The following ESR1 variants were observed in gnomAD, a reference collection of about 807,000 sequenced individuals.
ESR1 encodes the protein estrogen receptor 1.
A neutral mutation model predicts 52.7 loss-of-function variants in ESR1; 12 were observed. The observed-to-expected ratio is 0.23, with a 90% CI of 0.15 to 0.37. ESR1 has a LOEUF of 0.37. ESR1 is among the 10% of genes least tolerant of loss of function. The pLI is 1.00. For synonymous variants in ESR1, 305 were observed against 316.8 expected (o/e 0.96, Z 0.39); for missense variants, 584 against 779.7 (o/e 0.75, Z 2.99).
At chr6:151,905,298 A>G (rs946719666) in intron 3 of ESR1, among the ~76,000 whole-genome samples, 3 of 152,236 alleles carry the variant, frequency 2.0e-5, no homozygotes, top group Admixed American at 6.5e-5. Flanking sequence ...TGACAAAAGG[A>G]AAGTGGTAGA....
At chr6:151,854,967 G>T (rs1396124342) in intron 2 of ESR1, among the ~76,000 whole-genome samples, 3 of 152,202 alleles carry the variant, frequency 2.0e-5, no homozygotes, top group Non-Finnish European at 2.9e-5. Context: ...AGGTTGGAGT[G>T]CAGTGGTGCG....
intron 1 of ESR1, among the ~76,000 whole-genome samples, chr6:151,822,485 T>TG (rs1233444785): frequency 6.6e-6 from 1 of 152,216 alleles, no homozygotes; most frequent in Admixed American, 6.5e-5. Context: ...GGTGATTCCT[T>TG]GGAGACAGAT....
At chr6:151,870,044 A>G (rs1790680317) in intron 2 of ESR1, among the ~76,000 whole-genome samples, 1 of 152,094 alleles carries the variant, frequency 6.6e-6, no homozygotes, top group Non-Finnish European at 1.5e-5. Context: ...ATCCTATTTC[A>G]TTTTCTTTGG....
chr6:151,795,147 T>G (rs921398080), intron 2 of ESR1, among the ~76,000 whole-genome samples: 2 of 152,128 alleles, frequency 1.3e-5, no homozygotes, highest in African/African-American at 2.4e-5. Context: ...GACCTTGATT[T>G]GTCCAAGATC....
At position 152,061,030 on chromosome 6, in the gene ESR1, C is replaced by T. The variant is rs1179343201; in HGVS notation, c.1275C>T (p.Phe425=). The T allele has an allele frequency of 2.2e-5, 36 of 1,612,422 alleles. No homozygotes were observed. Among genetic ancestry groups the T allele is most frequent in the East Asian group, 1.3e-4 (6 of 44,804 alleles). Residue 425 remains phenylalanine (F), a synonymous_variant, in exon 6 of 8, where the codon TTC becomes TTT. Coordinates refer to ENST00000206249, the MANE Select transcript of ESR1 (RefSeq NM_000125.4). This position sits in a 1 kb window ranked among gnomAD's most constrained non-coding sequence, Gnocchi z 4.3. ...GKCVEGMVEI[F]DMLLATSSRF... is the part of the protein sequence containing the mutation. Reference sequence around the variant, plus strand: ...GTGTAGAGGGCATGGTGGAGATCTTCGACATGCTGCTGGCTACATCATCTC... The same window carrying T: ...GTGTAGAGGGCATGGTGGAGATCTTTGACATGCTGCTGGCTACATCATCTC...
chr6:151,782,264 C>T (rs1324650471), intron 2 of ESR1, among the ~76,000 whole-genome samples: 2 of 152,028 alleles, frequency 1.3e-5, no homozygotes, highest in Non-Finnish European at 2.9e-5. Flanking sequence ...AATGTATCAT[C>T]ATGTAAAAAT....
chr6:151,784,133 C>T (rs1460880108), intron 2 of ESR1, among the ~76,000 whole-genome samples: 1 of 152,150 alleles, frequency 6.6e-6, no homozygotes, highest in African/African-American at 2.4e-5. Flanking sequence ...ACCCCCTTTC[C>T]ACACTGTACT....
chr6:151,766,042 TTTGTAA>T (rs1468873176), intron 2 of ESR1, among the ~76,000 whole-genome samples: 2 of 152,340 alleles, frequency 1.3e-5, no homozygotes, highest in East Asian at 1.9e-4. Context: ...TCCACTGGAC[TTTGTAA>T]TTGAATTTTA....
chr6:151,716,552 A>C (rs1359103808), intron 2 of ESR1, among the ~76,000 whole-genome samples: 1 of 152,102 alleles, frequency 6.6e-6, no homozygotes, highest in Non-Finnish European at 1.5e-5. Context: ...ATCTAGAGAG[A>C]CAGTCTGGCT....
chr6:151,730,397 T>A (rs1219594819), intron 2 of ESR1, among the ~76,000 whole-genome samples: 7 of 152,112 alleles, frequency 4.6e-5, no homozygotes, highest in Non-Finnish European at 8.8e-5. Context: ...TCTGACCATC[T>A]TCTACTCTGG....
At chr6:152,109,473 C>G (rs2051105570) in intron 6 of ESR1, among the ~76,000 whole-genome samples, 3 of 150,984 alleles carry the variant, frequency 2.0e-5, no homozygotes. Flanking sequence ...TGAGACCAGT[C>G]TGGGCAACAT....
At chr6:151,702,608 A>G (rs1459790045) in intron 2 of ESR1, among the ~76,000 whole-genome samples, 1 of 152,210 alleles carries the variant, frequency 6.6e-6, no homozygotes, top group African/African-American at 2.4e-5. Flanking sequence ...ATTAAGAAAC[A>G]TTTCTATTGA....
At chr6:152,083,705 A>T (rs768313737) in intron 6 of ESR1, among the ~76,000 whole-genome samples, 1 of 152,238 alleles carries the variant, frequency 6.6e-6, no homozygotes, top group Non-Finnish European at 1.5e-5. Flanking sequence ...CAATCCACCC[A>T]TCTGACAAAG....
chr6:152,040,694 G>A (rs745835100), intron 5 of ESR1, among the ~76,000 whole-genome samples: 3 of 152,186 alleles, frequency 2.0e-5, no homozygotes, highest in African/African-American at 7.2e-5. Context: ...TCCTAGAAAG[G>A]GGCTGTAGTG....
chr6:151,987,259 A>G (rs1393598943), intron 4 of ESR1, among the ~76,000 whole-genome samples: 1 of 151,772 alleles, frequency 6.6e-6, no homozygotes, highest in East Asian at 1.9e-4. Context: ...GTCTTTTTTA[A>G]AATTATTCTT....
At chr6:151,838,784 T>C (rs1783815040) in intron 1 of ESR1, among the ~76,000 whole-genome samples, 1 of 152,196 alleles carries the variant, frequency 6.6e-6, no homozygotes, top group Non-Finnish European at 1.5e-5. Flanking sequence ...ATAGCCCATG[T>C]AGTTTCCCCG....
chr6:152,083,240 C>A (rs181370760), intron 6 of ESR1, among the ~76,000 whole-genome samples: 1 of 152,310 alleles, frequency 6.6e-6, no homozygotes, highest in East Asian at 1.9e-4. Context: ...GTAACTAAAA[C>A]AGCATGGTAC....
chr6:152,069,631 A>G (rs999343560), intron 6 of ESR1, among the ~76,000 whole-genome samples: 1 of 136,088 alleles, frequency 7.3e-6, no homozygotes, highest in Non-Finnish European at 1.5e-5. Flanking sequence ...TCCACCTCAG[A>G]TCATCAGGCA....
intron 2 of ESR1, among the ~76,000 whole-genome samples, chr6:151,705,091 G>A (rs1236565310): frequency 6.6e-6 from 1 of 152,042 alleles, no homozygotes; most frequent in Non-Finnish European, 1.5e-5. Flanking sequence ...CATTGTGTGC[G>A]AGATATGGGG....
Sources: gnomAD v4.1 joint callset for allele counts (sites outside exome capture counted in the v4.1 genomes callset) on GRCh38, gnomAD v4.1.1 for gene constraint, Gnocchi (gnomAD v3.1) non-coding constraint, MANE v1.5 for transcripts, NCBI Gene and HGNC (gene_info 2026-07-23, HGNC 2026-07-21) for gene names.